SAXO1: variants seen among roughly 807,000 people sequenced by gnomAD.
The protein encoded by SAXO1 is stabilizer of axonemal microtubules 1.
Under a neutral mutation model 17.5 loss-of-function variants are expected in SAXO1, and 21 were observed. The ratio of observed to expected loss-of-function variants is 1.20; its 90% CI spans 0.85 to 1.72. The LOEUF (loss-of-function observed/expected upper bound fraction) is 1.72. Ranked by LOEUF, SAXO1 falls within the 40% of genes most tolerant of loss-of-function variation. The probability of loss-of-function intolerance (pLI) is 0.00; values close to 1 mark genes in which losing one functional copy is unlikely to be tolerated. For missense variants in SAXO1, 843 were observed against 596.0 expected, an observed-to-expected ratio of 1.41 and a Z score of -4.32; for synonymous variants, 274 against 216.5, an observed-to-expected ratio of 1.27 and a Z score of -2.33.
intron 1 of SAXO1, among the ~76,000 whole-genome samples, chr9:19,045,672 T>C (rs565797585): frequency 1.1e-4 from 16 of 152,300 alleles, no homozygotes; most frequent in Non-Finnish European, 1.9e-4. Flanking sequence ...CAGGTCTAAA[T>C]GAGGCAGGCG....
At chr9:18,979,060 T>C (rs775001243) in intron 1 of SAXO1, among the ~76,000 whole-genome samples, 1 of 152,194 alleles carries the variant, frequency 6.6e-6, no homozygotes, top group Non-Finnish European at 1.5e-5. Flanking sequence ...TAAGGAAACT[T>C]AGATTATATA....
intron 1 of SAXO1, among the ~76,000 whole-genome samples, chr9:18,957,983 T>G (rs1240416116): frequency 6.6e-6 from 1 of 152,200 alleles, no homozygotes; most frequent in Non-Finnish European, 1.5e-5. Flanking sequence ...ATAGATATAC[T>G]TTACAGCAAT....
At chr9:18,929,111 A>G (rs1362287727) in intron 3 of SAXO1, 56 bp from the exon 4 acceptor site, 3 of 1,575,852 alleles carry the variant, frequency 1.9e-6, no homozygotes, top group African/African-American at 2.7e-5. Context: ...CAACTTGCAT[A>G]TATTCTACAG....
chr9:19,010,086 C>T lies in SAXO1; in HGVS notation c.38+22785G>A, dbSNP rs373729349. Among the ~76,000 whole-genome samples the T allele has an allele frequency of 1.1e-3, 162 of 152,182 alleles. 1 individual carries two copies. In the Middle Eastern group the frequency reaches 0.017, roughly 16 times the overall value. On this transcript the variant is annotated intron_variant, in intron 1 of 3. Transcript: ENST00000380534. The stretch of plus-strand genomic sequence containing the variant: ...TCAAGGGATCCACCAGCCTTGGCCT[C>T]CCAAAGTGCTGGGATTTCAGGCGTG...
chr9:19,044,071 G>T (rs1836145194), intron 1 of SAXO1, among the ~76,000 whole-genome samples: 1 of 151,834 alleles, frequency 6.6e-6, no homozygotes, highest in Admixed American at 6.6e-5. Context: ...CTTGAACCCA[G>T]GAGGTAGAGG....
chr9:19,005,780 C>T (rs576869516), intron 1 of SAXO1, among the ~76,000 whole-genome samples: 7 of 152,206 alleles, frequency 4.6e-5, no homozygotes, highest in African/African-American at 7.2e-5. Flanking sequence ...TGGTCTTCAT[C>T]GAAATTAGAA....
chr9:18,946,481 G>A (rs1251336101), intron 2 of SAXO1, among the ~76,000 whole-genome samples: 2 of 151,814 alleles, frequency 1.3e-5, no homozygotes, highest in Non-Finnish European at 2.9e-5. Flanking sequence ...GATTTGAGCG[G>A]CCACCCAAGA....
chr9:18,963,124 T>C (rs980271176), intron 1 of SAXO1, among the ~76,000 whole-genome samples: 3 of 152,246 alleles, frequency 2.0e-5, no homozygotes, highest in African/African-American at 7.2e-5. Flanking sequence ...TGTGGTGTTA[T>C]TTCTGAGGCC....
At chr9:18,996,538 T>C (rs1380555617) in intron 1 of SAXO1, among the ~76,000 whole-genome samples, 1 of 152,190 alleles carries the variant, frequency 6.6e-6, no homozygotes, top group Admixed American at 6.5e-5. Flanking sequence ...TATGGAACCA[T>C]CATCATATAT....
intron 1 of SAXO1, among the ~76,000 whole-genome samples, chr9:18,961,865 T>C (rs996047137): frequency 1.3e-5 from 2 of 152,310 alleles, no homozygotes; most frequent in East Asian, 3.9e-4. Flanking sequence ...GTAATGGGAT[T>C]GCTGGGTCAA....
intron 1 of SAXO1, among the ~76,000 whole-genome samples, chr9:18,955,118 T>A (rs1447722117): frequency 6.6e-6 from 1 of 152,054 alleles, no homozygotes; most frequent in African/African-American, 2.4e-5. Flanking sequence ...GATGCTTGAG[T>A]CCAGGAGTTC....
intron 3 of SAXO1, among the ~76,000 whole-genome samples, chr9:18,938,228 G>A (rs1013926355): frequency 2.0e-5 from 3 of 152,300 alleles, no homozygotes; most frequent in South Asian, 4.1e-4. Context: ...TTTGTCAGTA[G>A]GGAAGTCAGC....
intron 1 of SAXO1, among the ~76,000 whole-genome samples, chr9:18,960,966 GTTC>G (rs2131756219): frequency 6.6e-6 from 1 of 152,192 alleles, no homozygotes; most frequent in East Asian, 1.9e-4. Context: ...TGCTGGCAGT[GTTC>G]TTCATCTTCA....
chr9:18,971,173 G>C (rs555441542), intron 1 of SAXO1, among the ~76,000 whole-genome samples: 10 of 152,130 alleles, frequency 6.6e-5, no homozygotes, highest in African/African-American at 2.4e-4. Context: ...AGCAAGTGGC[G>C]GAGCAAGATG....
At chr9:18,970,211 AAATT>A (rs1321068099) in intron 1 of SAXO1, among the ~76,000 whole-genome samples, 3 of 152,230 alleles carry the variant, frequency 2.0e-5, no homozygotes, top group Non-Finnish European at 4.4e-5. Context: ...ATGTCTCATA[AAATT>A]AATTAAGATA....
intron 1 of SAXO1, among the ~76,000 whole-genome samples, chr9:19,019,612 C>A (rs145725280): frequency 6.6e-6 from 1 of 152,150 alleles, no homozygotes; most frequent in African/African-American, 2.4e-5. Flanking sequence ...GCCTGTAATC[C>A]CAGCTACTCG....
At chr9:19,022,164 G>A (rs529807173) in intron 1 of SAXO1, among the ~76,000 whole-genome samples, 14 of 152,256 alleles carry the variant, frequency 9.2e-5, no homozygotes, top group Admixed American at 6.5e-4. Context: ...GAACAACTCC[G>A]GAGGCGCCAC....
At chr9:18,938,119 G>T (rs920854128) in intron 3 of SAXO1, among the ~76,000 whole-genome samples, 2 of 152,114 alleles carry the variant, frequency 1.3e-5, no homozygotes, top group African/African-American at 2.4e-5. Context: ...AGACTTGACT[G>T]GTGTTCATTT....
At chr9:19,040,792 A>G (rs1171559953) in intron 1 of SAXO1, among the ~76,000 whole-genome samples, 1 of 152,226 alleles carries the variant, frequency 6.6e-6, no homozygotes, top group Non-Finnish European at 1.5e-5. Flanking sequence ...TCAGGGTAGA[A>G]GCAGAGATCA....
Sources: allele counts gnomAD v4.1 joint callset (sites outside exome capture counted in the v4.1 genomes callset), GRCh38; gene constraint gnomAD v4.1.1; transcripts MANE v1.5; gene names NCBI Gene and HGNC (gene_info 2026-07-23, HGNC 2026-07-21).